The following DMBX1 variants were observed in gnomAD, a reference collection of about 807,000 sequenced individuals.
The protein encoded by DMBX1 is diencephalon/mesencephalon homeobox protein 1.
In DMBX1, 7 loss-of-function variants were observed where a neutral mutation model predicts 30.4. That is an observed-to-expected ratio of 0.23 (90% confidence interval 0.13 to 0.43). The LOEUF (loss-of-function observed/expected upper bound fraction) is 0.43, where lower values mean the gene tolerates loss of function less well. DMBX1 is among the 20% of genes least tolerant of loss of function. DMBX1 has a pLI of 1.00. For missense variants in DMBX1, 460 were observed against 508.5 expected (o/e 0.90, Z 0.92); for synonymous variants, 222 against 214.2 (o/e 1.04, Z -0.32).
chr1:46,511,416 G>A (rs1666368849), intron 5 of DMBX1, 133 bp downstream of exon 5: 9 of 1,085,654 alleles, frequency 8.3e-6, no homozygotes, highest in Non-Finnish European at 1.0e-5. Flanking sequence ...GCAGGCCTGG[G>A]CCAGGTTTTC....
At chr1:46,492,700 A>G (rs1217509228) in intron 2 of DMBX1, among the ~76,000 whole-genome samples, 1 of 150,544 alleles carries the variant, frequency 6.6e-6, no homozygotes, top group African/African-American at 2.4e-5. Context: ...GCTGACAGGC[A>G]CGCAGAGTGG....
chr1:46,497,339 C>G (rs1027564462), intron 2 of DMBX1, among the ~76,000 whole-genome samples: 2 of 152,186 alleles, frequency 1.3e-5, no homozygotes, highest in Non-Finnish European at 2.9e-5. Context: ...TATTCAAAGA[C>G]TGGTAGCTGT....
rs972920302 is a variant in DMBX1 at position 46,512,583 on chromosome 1, A to G, written c.*89A>G. The G allele has an allele frequency of 1.1e-5, 15 of 1,412,648 alleles. 1 individual carries two copies. The highest frequency in any genetic ancestry group is 2.3e-5 in the East Asian group (1 of 42,848). The allele number at this position is 1,412,648 out of a possible 1,614,324, so 87.5% of individuals were successfully genotyped here. The stretch of plus-strand genomic sequence containing the variant: ...AGGTGGCTCTCGAGGAGTTAACTCC[A>G]TGAGCCCAGGGATCCTAGGGCCTGG... On this transcript the variant is annotated 3_prime_UTR_variant, in exon 6 of 6. Coordinates refer to ENST00000360032, the MANE Select transcript of DMBX1 (RefSeq NM_172225.2). The surrounding 1 kb of genome is among the most constrained non-coding windows in gnomAD (Gnocchi z 4.8).
At chr1:46,506,845 C>T (rs370171056) in intron 2 of DMBX1, among the ~76,000 whole-genome samples, 154 bp from the exon 3 acceptor site, 2 of 152,204 alleles carry the variant, frequency 1.3e-5, no homozygotes, top group East Asian at 1.9e-4. Context: ...AACCCCCACA[C>T]GGTAAGCCAC....
intron 2 of DMBX1, among the ~76,000 whole-genome samples, chr1:46,503,123 G>C (rs4504836): frequency 0.027 from 4,057 of 152,262 alleles, 173 homozygotes; most frequent in African/African-American, 0.092. Flanking sequence ...TTTTCTTGCT[G>C]TTCTACACAC....
At chr1:46,495,781 C>T (rs1666014711) in intron 2 of DMBX1, among the ~76,000 whole-genome samples, 1 of 152,120 alleles carries the variant, frequency 6.6e-6, no homozygotes, top group Non-Finnish European at 1.5e-5. Context: ...AAGGCGTGTG[C>T]AAGCTTAATG....
chr1:46,512,629 T>C lies in DMBX1; in HGVS notation c.*135T>C. ...CCTGGGGTCCTGTTCCCTGCTCCGC[T>C]TCCCCATACCCCAGCCCGAGGTGAA... On this transcript the variant is annotated 3_prime_UTR_variant, in exon 6 of 6. Coordinates refer to ENST00000360032, the MANE Select transcript of DMBX1 (RefSeq NM_172225.2). This position sits in a 1 kb window ranked among gnomAD's most constrained non-coding sequence, Gnocchi z 4.8. The C allele has an allele frequency of 2.0e-6, 2 of 989,980 alleles. No homozygotes were observed. The highest frequency in any genetic ancestry group is 2.9e-6 in the Non-Finnish European group (2 of 690,540). The allele number at this position is 989,980 out of a possible 1,614,324, so 61.3% of individuals were successfully genotyped here. A position where few individuals can be genotyped will look rare whatever the true frequency, so the allele number is the denominator to read the frequency against.
In DMBX1 at chr1:46,507,984, C is replaced by T. The variant is rs118131429; in HGVS notation, c.154+820C>T. On this transcript the variant is annotated intron_variant, in intron 3 of 5. Coordinates refer to ENST00000360032, the MANE Select transcript of DMBX1 (RefSeq NM_172225.2). ...GTACCCATATATGCCTATGAGGGAC[C>T]GGCAGTCTGGTGCCCCACACCTGGT... 7.9e-5 allele frequency among the ~76,000 whole-genome samples: 12 copies of T among 151,666 alleles called. No individual in the cohort carries two copies. In the East Asian group the frequency reaches 2.1e-3, roughly 27 times the overall value.
At chr1:46,500,554 C>T (rs963654501) in intron 2 of DMBX1, among the ~76,000 whole-genome samples, 2 of 151,432 alleles carry the variant, frequency 1.3e-5, no homozygotes, top group Admixed American at 6.6e-5. Flanking sequence ...CCCTACCCCC[C>T]TCCCCCAAAA....
chr1:46,492,868 C>T (rs923181112), intron 2 of DMBX1, among the ~76,000 whole-genome samples: 1 of 152,164 alleles, frequency 6.6e-6, no homozygotes, highest in Non-Finnish European at 1.5e-5. Context: ...CACTCATGCT[C>T]AACACATGCA....
chr1:46,509,070 C>CTT (rs879361550), intron 3 of DMBX1, among the ~76,000 whole-genome samples: 2 of 145,494 alleles, frequency 1.4e-5, no homozygotes, highest in African/African-American at 2.5e-5. Context: ...TCTTCCTATT[C>CTT]TTTTTTTTTT....
intron 2 of DMBX1, among the ~76,000 whole-genome samples, chr1:46,496,863 C>T (rs946780635): frequency 5.3e-5 from 8 of 152,180 alleles, no homozygotes; most frequent in African/African-American, 1.4e-4. Flanking sequence ...CTCCCGGGTT[C>T]GTGTATTCAT....
intron 1 of DMBX1, among the ~76,000 whole-genome samples, chr1:46,490,280 C>T (rs964206087): frequency 8.5e-5 from 13 of 152,212 alleles, no homozygotes; most frequent in Admixed American, 2.6e-4. Flanking sequence ...GGCCTTGGCC[C>T]GCGGAGACGC....
intron 5 of DMBX1, 48 bp from the exon 6 acceptor site, chr1:46,511,995 C>T: frequency 6.4e-7 from 1 of 1,557,376 alleles, no homozygotes; most frequent in South Asian, 1.2e-5. Flanking sequence ...TCCTGGCAGA[C>T]CAATGCCCTT....
intron 3 of DMBX1, among the ~76,000 whole-genome samples, chr1:46,509,108 T>C (rs555269187): frequency 6.6e-6 from 1 of 152,150 alleles, no homozygotes; most frequent in African/African-American, 2.4e-5. Context: ...GTTTTGCTCT[T>C]GTTGCCCAGG....
At position 46,510,452 on chromosome 1, in the gene DMBX1, C is replaced by T. The variant is rs1162296415; in HGVS notation, c.155-24C>T. ...AATTAAATGGGCCCCCTCTCCTTGC[C>T]CTCCAACGGCTGTACATTTCAAGAC... is the stretch of plus-strand genomic sequence containing the variant. On this transcript the variant is annotated intron_variant, in intron 3 of 5. Coordinates refer to ENST00000360032, the MANE Select transcript of DMBX1 (RefSeq NM_172225.2). The surrounding 1 kb of genome is among the most constrained non-coding windows in gnomAD (Gnocchi z 4.1). The T allele has an allele frequency of 2.5e-6, 4 of 1,608,812 alleles. No individual in the cohort carries two copies. The highest frequency in any genetic ancestry group is 4.5e-5 in the East Asian group (2 of 44,812).
intron 2 of DMBX1, among the ~76,000 whole-genome samples, chr1:46,501,192 C>CCCTCCCTCCCTTCCTTCCTT (rs780907602): frequency 2.9e-5 from 2 of 67,876 alleles, no homozygotes; most frequent in Non-Finnish European, 5.6e-5. Flanking sequence ...TTCTTTCTCT[C>CCCTCCCTCCCTTCCTTCCTT]CCTTCCTTCC....
intron 2 of DMBX1, among the ~76,000 whole-genome samples, chr1:46,505,725 A>G (rs1569891266): frequency 6.6e-6 from 1 of 152,000 alleles, no homozygotes; most frequent in East Asian, 1.9e-4. Flanking sequence ...CAATGTGCAC[A>G]TGTACCCTAA....
At chr1:46,507,362 C>T (rs1003479957) in intron 3 of DMBX1, among the ~76,000 whole-genome samples, 198 bp downstream of exon 3, 4 of 152,238 alleles carry the variant, frequency 2.6e-5, no homozygotes, top group Admixed American at 6.5e-5. Context: ...TTTGCCAGCA[C>T]TGTCCAGGGC....
Sources: gnomAD v4.1 joint callset for allele counts (sites outside exome capture counted in the v4.1 genomes callset) on GRCh38, gnomAD v4.1.1 for gene constraint, Gnocchi (gnomAD v3.1) non-coding constraint, MANE v1.5 for transcripts, NCBI Gene and HGNC (gene_info 2026-07-23, HGNC 2026-07-21) for gene names.